CD109: variants seen among roughly 807,000 people sequenced by gnomAD.
The protein encoded by CD109 is CD109 antigen.
Under a neutral mutation model 165.8 loss-of-function variants are expected in CD109, and 149 were observed. The ratio of observed to expected loss-of-function variants is 0.90; its 90% CI spans 0.79 to 1.03. The LOEUF is 1.03. Ranked by LOEUF, CD109 falls within the 50% of genes least tolerant of loss-of-function variation. The pLI is 0.00. For missense variants in CD109, 1,712 were observed against 1,677.8 expected, an observed-to-expected ratio of 1.02 and a Z score of -0.36; for synonymous variants, 585 against 592.1, an observed-to-expected ratio of 0.99 and a Z score of 0.18.
chr6:73,786,806 A>G (rs1303489263), intron 20 of CD109, among the ~76,000 whole-genome samples: 1 of 152,240 alleles, frequency 6.6e-6, no homozygotes, highest in African/African-American at 2.4e-5. Flanking sequence ...AATTTTTTAC[A>G]GAGACTTCAA....
intron 2 of CD109, among the ~76,000 whole-genome samples, chr6:73,698,869 A>G (rs1770954343): frequency 6.6e-6 from 1 of 152,240 alleles, no homozygotes; most frequent in African/African-American, 2.4e-5. Flanking sequence ...TAGGTAGGTT[A>G]CTTAACTGCT....
intron 6 of CD109, 119 bp downstream of exon 6, chr6:73,756,801 G>T: frequency 1.5e-6 from 1 of 659,426 alleles, no homozygotes; most frequent in Non-Finnish European, 2.4e-6. Flanking sequence ...TTAAAATTCT[G>T]GTGTTTTTTA....
chr6:73,812,135 C>T (rs1315683327), intron 28 of CD109, 70 bp from the exon 29 acceptor site: 1 of 959,296 alleles, frequency 1.0e-6, no homozygotes, highest in Non-Finnish European at 1.7e-6. Flanking sequence ...TAGGACTGAT[C>T]TGTTTTGCTA....
intron 4 of CD109, among the ~76,000 whole-genome samples, chr6:73,733,479 C>T (rs1193704257): frequency 6.6e-6 from 1 of 152,210 alleles, no homozygotes; most frequent in African/African-American, 2.4e-5. Context: ...AGCTTCGAGG[C>T]CTTTTGGCAG....
intron 4 of CD109, among the ~76,000 whole-genome samples, chr6:73,733,872 C>T (rs988922558): frequency 6.6e-6 from 1 of 152,144 alleles, no homozygotes; most frequent in African/African-American, 2.4e-5. Context: ...TATTCTCCAG[C>T]CAGGGAGCTT....
chr6:73,780,735 TTATGTA>T (rs67214511), intron 16 of CD109, among the ~76,000 whole-genome samples: 2,850 of 61,150 alleles, frequency 0.047, 175 homozygotes, highest in African/African-American at 0.084. Context: ...AATTTTTCCT[TTATGTA>T]TATGTATTTC....
intron 3 of CD109, among the ~76,000 whole-genome samples, chr6:73,724,249 A>T (rs1349845508): frequency 6.6e-6 from 1 of 152,250 alleles, no homozygotes; most frequent in African/African-American, 2.4e-5. Flanking sequence ...GAGAATGAAG[A>T]TACCATCTTT....
At chr6:73,820,363 GTC>G (rs776682249) in intron 31 of CD109, 96 bp from the exon 32 acceptor site, 27 of 624,446 alleles carry the variant, frequency 4.3e-5, no homozygotes, top group Middle Eastern at 8.7e-4. Flanking sequence ...CTAAGTGTTA[GTC>G]TCTGTTTCCT....
chr6:73,790,774 C>A (rs1774895920), intron 22 of CD109, among the ~76,000 whole-genome samples: 1 of 152,132 alleles, frequency 6.6e-6, no homozygotes, highest in Non-Finnish European at 1.5e-5. Context: ...CCCACACACA[C>A]TGGGGAGGAC....
chr6:73,760,369 T>C (rs1278193792), intron 7 of CD109, among the ~76,000 whole-genome samples: 1 of 118,846 alleles, frequency 8.4e-6, no homozygotes, highest in Admixed American at 1.2e-4. Context: ...ATTGTGCCAC[T>C]GCAGTCCGGC....
chr6:73,812,159 A>G, intron 28 of CD109, 46 bp from the exon 29 acceptor site: 1 of 1,276,582 alleles, frequency 7.8e-7, no homozygotes, highest in Non-Finnish European at 1.1e-6. Flanking sequence ...GGAAGGATCT[A>G]GATATGGAAA....
chr6:73,721,193 A>T (rs777925107), intron 2 of CD109, among the ~76,000 whole-genome samples: 15 of 152,206 alleles, frequency 9.9e-5, no homozygotes, highest in Non-Finnish European at 2.1e-4. Flanking sequence ...AGAGGAACTG[A>T]TCTGTGCTAG....
At chr6:73,756,776 A>G (rs966821676) in intron 6 of CD109, 94 bp downstream of exon 6, 4 of 873,580 alleles carry the variant, frequency 4.6e-6, no homozygotes, top group Non-Finnish European at 6.9e-6. Flanking sequence ...ATTTGAAGTA[A>G]AAATCTCAAT....
chr6:73,681,082 C>T, the CD109 span, among the ~76,000 whole-genome samples: 15 of 152,268 alleles, frequency 9.9e-5, no homozygotes, highest in East Asian at 2.1e-3. Flanking sequence ...ATCTGCAGTG[C>T]TCCCTCGTAA....
At chr6:73,682,995 T>C in the CD109 span, among the ~76,000 whole-genome samples, 1 of 152,168 alleles carries the variant, frequency 6.6e-6, no homozygotes, top group African/African-American at 2.4e-5. Flanking sequence ...CCTCCTAAGC[T>C]TCCAGGCCTG....
chr6:73,811,077 G>C lies in CD109; in HGVS notation c.3632G>C (p.Gly1211Ala), dbSNP rs1186575662. Residue 1211 changes from glycine (G) to alanine (A), a missense_variant, in exon 28 of 33, where the codon GGG becomes GCG. By Grantham distance (60) the Gly-to-Ala change is moderately conservative (BLOSUM62 0). Coordinates refer to ENST00000287097, the MANE Select transcript of CD109 (RefSeq NM_133493.5). The part of the protein sequence containing the change: ...ERTNIQVTVT[G>A]PSSPSPVKFL... ...ACAAATATCCAAGTGACCGTGACGG[G>C]GCCTAGCTCACCAAGTCCTGTAAAG... 6.2e-7 allele frequency: 1 copy of C among 1,613,274 alleles called. No homozygotes were observed. Among genetic ancestry groups the C allele is most frequent in the East Asian group, 2.2e-5 (1 of 44,884 alleles).
At chr6:73,814,040 T>C (rs1775844890) in intron 29 of CD109, among the ~76,000 whole-genome samples, 1 of 152,140 alleles carries the variant, frequency 6.6e-6, no homozygotes, top group Non-Finnish European at 1.5e-5. Flanking sequence ...TGAAGGATTA[T>C]ATCAGTTTGG....
At chr6:73,700,594 A>T (rs1771028036) in intron 2 of CD109, among the ~76,000 whole-genome samples, 1 of 152,122 alleles carries the variant, frequency 6.6e-6, no homozygotes, top group African/African-American at 2.4e-5. Flanking sequence ...GTAATAACTA[A>T]ATTGTTCAAA....
the CD109 span, among the ~76,000 whole-genome samples, chr6:73,688,244 T>C: frequency 1.3e-5 from 2 of 152,174 alleles, no homozygotes; most frequent in Non-Finnish European, 1.5e-5. Flanking sequence ...TGTTGTGCAA[T>C]AAAAAATACA....
Sources: gnomAD v4.1 joint callset for allele counts (sites outside exome capture counted in the v4.1 genomes callset) on GRCh38, gnomAD v4.1.1 for gene constraint, MANE v1.5 for transcripts, NCBI Gene and HGNC (gene_info 2026-07-23, HGNC 2026-07-21) for gene names.